The following EIPR1 variants were observed in gnomAD, a reference collection of about 807,000 sequenced individuals.
The protein encoded by EIPR1 is EARP complex and GARP complex interacting protein 1.
EIPR1 carries 25 observed loss-of-function variants against 48.1 expected under a neutral mutation model. The observed-to-expected ratio is 0.52, with a 90% CI of 0.38 to 0.73. The LOEUF (loss-of-function observed/expected upper bound fraction) is 0.73, where lower values mean the gene tolerates loss of function less well. EIPR1 is among the 30% of genes least tolerant of loss of function. The pLI, the probability that EIPR1 is intolerant of heterozygous loss-of-function variation, is 0.00. For missense variants in EIPR1, 415 were observed against 506.2 expected, an observed-to-expected ratio of 0.82 and a Z score of 1.73; for synonymous variants, 204 against 201.9, an observed-to-expected ratio of 1.01 and a Z score of -0.09.
Position 3,319,384 on chromosome 2 carries a change from C to T in EIPR1, c.259+18633G>A, listed in dbSNP as rs531162491. ...ACTCAACTTGATCATTCCCAGAAAGCGCCGATCCCCGTGCCTGGCACATGA... is the reference window on the plus strand; with the variant it reads ...ACTCAACTTGATCATTCCCAGAAAGTGCCGATCCCCGTGCCTGGCACATGA... On this transcript the variant is annotated intron_variant, in intron 3 of 8. Transcript: ENST00000382125. 14 of 179,396 alleles carry T rather than the reference C, an allele frequency of 7.8e-5. No individual in the cohort carries two copies. The East Asian group carries it at 1.0e-3, about 13-fold the overall frequency. The allele number at this position is 179,396 out of a possible 1,614,324, so 11.1% of individuals were successfully genotyped here. A position where few individuals can be genotyped will look rare whatever the true frequency, so the allele number is the denominator to read the frequency against.
At chr2:3,225,222 A>ATATGTG (rs1205379602) in intron 4 of EIPR1, among the ~76,000 whole-genome samples, 9 of 137,022 alleles carry the variant, frequency 6.6e-5, no homozygotes, top group Non-Finnish European at 1.4e-4. Context: ...ACACTGTGAT[A>ATATGTG]TGTGTGTGTG....
intron 3 of EIPR1, among the ~76,000 whole-genome samples, chr2:3,329,484 C>T (rs1174363169): frequency 7.3e-5 from 11 of 151,102 alleles, no homozygotes; most frequent in Admixed American, 6.6e-4. Flanking sequence ...CAGCCAGGCT[C>T]CCCTGAATCA....
intron 3 of EIPR1, among the ~76,000 whole-genome samples, chr2:3,311,407 T>C (rs1440348415): frequency 6.6e-6 from 1 of 152,156 alleles, no homozygotes; most frequent in African/African-American, 2.4e-5. Context: ...TTCTGCATGA[T>C]TTTTATGGGG....
At chr2:3,192,375 C>T (rs368234112) in intron 8 of EIPR1, 39 bp downstream of exon 8, 6 of 1,539,444 alleles carry the variant, frequency 3.9e-6, no homozygotes, top group African/African-American at 1.4e-5. Context: ...ACAGGAGGCT[C>T]TGGTACAGCG....
At chr2:3,192,695 A>G in intron 7 of EIPR1, 114 bp from the exon 8 acceptor site, 1 of 1,058,806 alleles carries the variant, frequency 9.4e-7, no homozygotes, top group Non-Finnish European at 1.4e-6. Context: ...AGGCACTGCC[A>G]GGCAATCGGC....
chr2:3,213,903 A>T lies in EIPR1; in HGVS notation c.516+246T>A, dbSNP rs533968618. On this transcript the variant is annotated intron_variant, in intron 5 of 8. Transcript: ENST00000382125. ...TCTAGGGTACATGTGCACAATGTGC[A>T]GATTTGTTACATATGTATACATGTG... 4.1e-4 allele frequency among the ~76,000 whole-genome samples: 62 copies of T among 152,260 alleles called. No homozygotes were observed. In the South Asian group the frequency reaches 5.2e-3, roughly 13 times the overall value.
chr2:3,343,317 T>C (rs1026451298), intron 2 of EIPR1, among the ~76,000 whole-genome samples: 2 of 152,212 alleles, frequency 1.3e-5, no homozygotes, highest in African/African-American at 4.8e-5. Context: ...TAAACAACTG[T>C]TTTGTTGAAT....
At chr2:3,342,476 A>T (rs1670279597) in intron 2 of EIPR1, among the ~76,000 whole-genome samples, 1 of 152,274 alleles carries the variant, frequency 6.6e-6, no homozygotes, top group Non-Finnish European at 1.5e-5. Flanking sequence ...CAGCAGGCGC[A>T]GCCGGGGGCT....
chr2:3,223,905 G>A (rs980790407), intron 4 of EIPR1, among the ~76,000 whole-genome samples: 4 of 152,146 alleles, frequency 2.6e-5, no homozygotes, highest in African/African-American at 9.7e-5. Context: ...GTATCAAGCA[G>A]AAAGTGCTCC....
intron 5 of EIPR1, among the ~76,000 whole-genome samples, chr2:3,207,585 T>C (rs1457645608): frequency 6.6e-6 from 1 of 152,214 alleles, no homozygotes; most frequent in Non-Finnish European, 1.5e-5. Flanking sequence ...CCCTTGGACA[T>C]GGCAGGCACT....
At chr2:3,337,738 G>T (rs1267869466) in intron 3 of EIPR1, among the ~76,000 whole-genome samples, 1 of 152,156 alleles carries the variant, frequency 6.6e-6, no homozygotes, top group Non-Finnish European at 1.5e-5. Flanking sequence ...CAGGACACTT[G>T]TGTCTGCCTC....
intron 4 of EIPR1, among the ~76,000 whole-genome samples, chr2:3,245,183 CTTTACCGTTG>C (rs1484391748): frequency 1.5e-5 from 2 of 131,562 alleles, no homozygotes; most frequent in African/African-American, 2.9e-5. Context: ...CTTTATTTTA[CTTTACCGTTG>C]CGTTGCGTTG....
intron 2 of EIPR1, among the ~76,000 whole-genome samples, chr2:3,342,176 T>C (rs1192241359): frequency 6.6e-6 from 1 of 152,208 alleles, no homozygotes; most frequent in Non-Finnish European, 1.5e-5. Context: ...AAATGTTACA[T>C]AGCTTTAAAA....
Position 3,314,276 on chromosome 2 carries a change from G to A in EIPR1, c.259+23741C>T, listed in dbSNP as rs1235769250. On this transcript the variant is annotated intron_variant, in intron 3 of 8. Coordinates refer to ENST00000382125, the MANE Select transcript of EIPR1 (RefSeq NM_003310.5). ...AGGCAGGAGATTGATTCCGGCTGCC[G>A]CTAATGCCAGCTGCCACTCAGCCCC... Among the ~76,000 whole-genome samples the A allele has an allele frequency of 7.2e-5, 11 of 152,244 alleles. No individual in the cohort carries two copies. In the East Asian group the frequency reaches 1.4e-3, roughly 19 times the overall value.
intron 1 of EIPR1, among the ~76,000 whole-genome samples, chr2:3,360,523 A>C (rs965316261): frequency 6.6e-6 from 1 of 152,214 alleles, no homozygotes; most frequent in African/African-American, 2.4e-5. Flanking sequence ...GGAAATGCTG[A>C]GAGTTCAGGA....
intron 5 of EIPR1, among the ~76,000 whole-genome samples, chr2:3,204,977 A>G (rs971125402): frequency 2.0e-5 from 3 of 152,152 alleles, no homozygotes; most frequent in African/African-American, 7.2e-5. Context: ...ACCCTACTAC[A>G]TGCACGCTGA....
chr2:3,295,238 TAC>T (rs1668517267), intron 3 of EIPR1, among the ~76,000 whole-genome samples: 1 of 24,726 alleles, frequency 4.0e-5, no homozygotes, highest in African/African-American at 1.7e-4. Context: ...TCTCCACACA[TAC>T]ACCCTCCATC....
chr2:3,321,925 C>T (rs1669541930), intron 3 of EIPR1, among the ~76,000 whole-genome samples: 1 of 152,334 alleles, frequency 6.6e-6, no homozygotes, highest in South Asian at 2.1e-4. Context: ...GCCACGCTGC[C>T]CACAGCCACG....
chr2:3,355,240 C>T (rs532770215), intron 1 of EIPR1, among the ~76,000 whole-genome samples: 14 of 152,278 alleles, frequency 9.2e-5, no homozygotes, highest in Admixed American at 3.3e-4. Flanking sequence ...TTGACAGACT[C>T]GTGGAGCTCA....
Sources: allele counts gnomAD v4.1 joint callset (sites outside exome capture counted in the v4.1 genomes callset), GRCh38; gene constraint gnomAD v4.1.1; transcripts MANE v1.5; gene names NCBI Gene and HGNC (gene_info 2026-07-23, HGNC 2026-07-21).